The following PAIP1 variants were observed in gnomAD, a reference collection of about 807,000 sequenced individuals.
PAIP1 encodes poly(A) binding protein interacting protein 1, also known as polyadenylate-binding protein-interacting protein 1.
In PAIP1, 16 loss-of-function variants were observed where a neutral mutation model predicts 61.3. That is an observed-to-expected ratio of 0.26 (90% confidence interval 0.18 to 0.40). PAIP1 has a LOEUF of 0.40. Among genes scored for constraint, PAIP1 ranks in the 10% least tolerant of loss-of-function variants. The pLI is 1.00. For synonymous variants in PAIP1, 187 were observed against 226.2 expected (o/e 0.83, Z 1.56); for missense variants, 416 against 600.9 (o/e 0.69, Z 3.22).
intron 3 of PAIP1, among the ~76,000 whole-genome samples, chr5:43,543,364 C>T (rs1484644319): frequency 1.3e-5 from 2 of 149,390 alleles, no homozygotes; most frequent in African/African-American, 4.9e-5. Context: ...TACCAGAAAG[C>T]GAAGAGATAA....
chr5:43,546,495 C>T (rs1445152085), intron 3 of PAIP1, among the ~76,000 whole-genome samples: 1 of 152,194 alleles, frequency 6.6e-6, no homozygotes, highest in Non-Finnish European at 1.5e-5. Context: ...GCTAGGTAAT[C>T]TTGGGGTCCA....
intron 4 of PAIP1, 82 bp downstream of exon 4, chr5:43,542,922 T>G: frequency 1.3e-6 from 1 of 744,662 alleles, no homozygotes. Context: ...TCCTGCAGCT[T>G]TTTATAATAT....
At chr5:43,542,450 T>C (rs1747452361) in intron 4 of PAIP1, among the ~76,000 whole-genome samples, 1 of 147,632 alleles carries the variant, frequency 6.8e-6, no homozygotes, top group Admixed American at 6.8e-5. Context: ...GAAAATCACT[T>C]GAACCTGTGG....
intron 2 of PAIP1, among the ~76,000 whole-genome samples, chr5:43,552,365 G>A (rs967086753): frequency 2.0e-5 from 3 of 152,192 alleles, no homozygotes; most frequent in African/African-American, 7.2e-5. Context: ...TCCTCAAGAA[G>A]TGGTCAAATA....
At position 43,531,995 on chromosome 5, in the gene PAIP1, C is replaced by T. The variant is rs570357739; in HGVS notation, c.1252+1743G>A. ...AGATTATTTGAACAAAATGCAGAAACAAAATTTAGCTTGATTTTTCTGTAA... is the reference window on the plus strand; with the variant it reads ...AGATTATTTGAACAAAATGCAGAAATAAAATTTAGCTTGATTTTTCTGTAA... On this transcript the variant is annotated intron_variant, in intron 9 of 10. Transcript: ENST00000306846. 4.6e-5 allele frequency among the ~76,000 whole-genome samples: 7 copies of T among 152,058 alleles called. No individual in the cohort carries two copies. The South Asian group carries it at 1.5e-3, about 32-fold the overall frequency.
intron 10 of PAIP1, among the ~76,000 whole-genome samples, chr5:43,529,077 T>C (rs1746827717): frequency 6.6e-6 from 1 of 151,680 alleles, no homozygotes; most frequent in South Asian, 2.1e-4. Context: ...ATTTGAGCCT[T>C]CTACTGTGTG....
Position 43,543,135 on chromosome 5 carries a change from G to T in PAIP1, c.622-19C>A. The T allele has an allele frequency of 7.9e-7, 1 of 1,263,420 alleles. No individual in the cohort carries two copies. The highest frequency in any genetic ancestry group is 1.2e-6 in the Non-Finnish European group (1 of 863,944). 78.3% of individuals were successfully genotyped at this position (1,263,420 alleles called of 1,614,324 possible). On this transcript the variant is annotated intron_variant, in intron 3 of 10. Coordinates refer to ENST00000306846, the MANE Select transcript of PAIP1 (RefSeq NM_006451.5). ...ATGTGGCCTTTTAAAAAGAAGAAAA[G>T]TGTTATATGACATAGGTACATCATT...
intron 2 of PAIP1, among the ~76,000 whole-genome samples, chr5:43,554,148 T>G (rs538475337): frequency 3.4e-4 from 52 of 152,190 alleles, no homozygotes; most frequent in Admixed American, 5.9e-4. Context: ...CTTTATATAC[T>G]GCTCGACAGC....
chr5:43,554,496 T>C (rs1747988053), intron 2 of PAIP1, among the ~76,000 whole-genome samples: 1 of 152,136 alleles, frequency 6.6e-6, no homozygotes, highest in Non-Finnish European at 1.5e-5. Context: ...CAAAGCTTTT[T>C]CCTATACAGC....
At chr5:43,550,788 G>A (rs1747829071) in intron 2 of PAIP1, among the ~76,000 whole-genome samples, 1 of 129,204 alleles carries the variant, frequency 7.7e-6, no homozygotes, top group Non-Finnish European at 1.5e-5. Context: ...TCCTCTCATG[G>A]AGCTCATACC....
chr5:43,552,110 T>C (rs1747888307), intron 2 of PAIP1, among the ~76,000 whole-genome samples: 1 of 152,138 alleles, frequency 6.6e-6, no homozygotes, highest in African/African-American at 2.4e-5. Flanking sequence ...TCTATATACA[T>C]TGTCAAGAGA....
At chr5:43,553,614 C>CG (rs1318665661) in intron 2 of PAIP1, among the ~76,000 whole-genome samples, 21 of 151,938 alleles carry the variant, frequency 1.4e-4, no homozygotes, top group Admixed American at 4.6e-4. Context: ...TCCTAAGAGT[C>CG]GGGGGAAAAA....
intron 10 of PAIP1, among the ~76,000 whole-genome samples, chr5:43,529,489 T>TG (rs1477442487): frequency 6.6e-6 from 1 of 152,116 alleles, no homozygotes; most frequent in African/African-American, 2.4e-5. Context: ...CTGCAACCTC[T>TG]GCCTTCCAAG....
intron 10 of PAIP1, among the ~76,000 whole-genome samples, 183 bp downstream of exon 10, chr5:43,529,603 G>C (rs1746854968): frequency 6.6e-6 from 1 of 152,118 alleles, no homozygotes; most frequent in Admixed American, 6.5e-5. Flanking sequence ...TGTTGGCCAG[G>C]CTGGTCTTGA....
At position 43,555,859 on chromosome 5, in the gene PAIP1, A is replaced by G; in HGVS notation, c.406T>C (p.Tyr136His). The G allele has an allele frequency of 6.2e-7, 1 of 1,612,562 alleles. No homozygotes were observed. Among genetic ancestry groups the G allele is most frequent in the Non-Finnish European group, 8.5e-7 (1 of 1,179,670 alleles). ...SKLSVNAPEF[Y>H]PSGYSSSYTE... Reference sequence around the variant, plus strand: ...TAACTGGAAGAATAACCTGAAGGGTAAAATTCAGGGGCATTCACAGACAGC... The same window carrying G: ...TAACTGGAAGAATAACCTGAAGGGTGAAATTCAGGGGCATTCACAGACAGC... The change falls in exon 2 of 11, where the codon TAC becomes CAC. Residue 136 changes from tyrosine to histidine, a missense_variant. By Grantham distance (83) the Tyr-to-His change is moderately conservative. Coordinates refer to ENST00000306846, the MANE Select transcript of PAIP1 (RefSeq NM_006451.5).
intron 6 of PAIP1, among the ~76,000 whole-genome samples, chr5:43,536,510 C>CA (rs1747162452): frequency 1.3e-5 from 2 of 151,918 alleles, no homozygotes; most frequent in East Asian, 1.9e-4. Flanking sequence ...GTGGCAAAAA[C>CA]AAAAACAAAA....
At chr5:43,538,551 C>T (rs1747249994) in intron 5 of PAIP1, among the ~76,000 whole-genome samples, 1 of 152,130 alleles carries the variant, frequency 6.6e-6, no homozygotes, top group Non-Finnish European at 1.5e-5. Context: ...CAGAGTTCTG[C>T]AGAGTAAACT....
chr5:43,549,170 C>T (rs545258807), intron 2 of PAIP1, among the ~76,000 whole-genome samples: 3 of 152,308 alleles, frequency 2.0e-5, no homozygotes, highest in Admixed American at 1.3e-4. Flanking sequence ...CAAACTCTGA[C>T]TTCAGGTGAT....
rs373730839 is a variant in PAIP1 at position 43,550,837 on chromosome 5, C to CAAAAAAAAAAAAAAAA, written c.436-2940_436-2925dup. ...CACATTCAGAAGTTGAAATATACTA[C>CAAAAAAAAAAAAAAAA]AAAAAAAAAAAAAAAAAAAAAAGCA... On this transcript the variant is annotated intron_variant, in intron 2 of 10. Transcript: ENST00000306846. Among the ~76,000 whole-genome samples, 26 of 49,558 alleles carry CAAAAAAAAAAAAAAAA rather than the reference C, an allele frequency of 5.2e-4. 2 individuals are homozygous for CAAAAAAAAAAAAAAAA. The highest frequency in any genetic ancestry group is 9.0e-4 in the African/African-American group (9 of 10,054). The allele number at this position is 49,558 out of a possible 152,430, so 32.5% of individuals were successfully genotyped here.
Sources: gnomAD v4.1 joint callset for allele counts (sites outside exome capture counted in the v4.1 genomes callset) on GRCh38, gnomAD v4.1.1 for gene constraint, MANE v1.5 for transcripts, NCBI Gene and HGNC (gene_info 2026-07-23, HGNC 2026-07-21) for gene names.